NEURL1B: variants seen among roughly 807,000 people sequenced by gnomAD.
NEURL1B encodes the protein neuralized E3 ubiquitin protein ligase 1B, also known as E3 ubiquitin-protein ligase NEURL1B.
NEURL1B carries 13 observed loss-of-function variants against 37.4 expected under a neutral mutation model. The observed-to-expected ratio is 0.35, with a 90% confidence interval of 0.23 to 0.55. NEURL1B has a LOEUF of 0.55. NEURL1B is among the 20% of genes least tolerant of loss of function. NEURL1B has a pLI of 0.89. For missense variants in NEURL1B, 790 were observed against 879.2 expected, an observed-to-expected ratio of 0.90 and a Z score of 1.28; for synonymous variants, 432 against 426.6, an observed-to-expected ratio of 1.01 and a Z score of -0.16.
At chr5:172,650,226 T>A (rs1757636548) in intron 1 of NEURL1B, among the ~76,000 whole-genome samples, 1 of 152,162 alleles carries the variant, frequency 6.6e-6, no homozygotes. Flanking sequence ...CCTGGTAACT[T>A]TCCAGTCCAA....
chr5:172,663,393 C>T (rs1266748058), intron 1 of NEURL1B, among the ~76,000 whole-genome samples: 2 of 151,710 alleles, frequency 1.3e-5, no homozygotes, highest in African/African-American at 2.4e-5. Flanking sequence ...TGGTGGCGGG[C>T]GCCTGTAGTC....
At chr5:172,682,664 T>C (rs1400724689) in intron 2 of NEURL1B, among the ~76,000 whole-genome samples, 1 of 152,250 alleles carries the variant, frequency 6.6e-6, no homozygotes, top group African/African-American at 2.4e-5. Context: ...CTTAAACACC[T>C]ATCCAGGGCC....
Position 172,686,177 on chromosome 5 carries a change from T to C in NEURL1B, c.1304T>C (p.Leu435Pro). 1 of 1,551,656 alleles carries C rather than the reference T, an allele frequency of 6.4e-7. No homozygotes were observed. Among genetic ancestry groups the C allele is most frequent in the Non-Finnish European group, 8.7e-7 (1 of 1,146,968 alleles). ...VAGQLRLLGT[L>P]QSSPATTTPS... ...GAATCTCTTTGGGCCTCAGGTACCC[T>C]GCAGTCCAGCCCTGCGACCACGACT... The change falls in exon 4 of 5, where the codon CTG becomes CCG. Residue 435 changes from leucine (L) to proline (P), a missense_variant. This residue lies in a region of NEURL1B where 460 missense variants were observed against 407.4 expected (regional missense o/e 1.13). Coordinates refer to ENST00000369800, the MANE Select transcript of NEURL1B (RefSeq NM_001142651.3). The surrounding 1 kb of genome is among the most constrained non-coding windows in gnomAD (Gnocchi z 7.9).
At chr5:172,656,809 A>G in intron 1 of NEURL1B, 1 of 652,300 alleles carries the variant, frequency 1.5e-6, no homozygotes, top group Non-Finnish European at 2.7e-6. Context: ...TAAATTTAAA[A>G]CTCCTAACAA....
rs1386152723 is a variant in NEURL1B, at chr5:172,665,621, C to T, written c.32-4164C>T. Among the ~76,000 whole-genome samples, 20 of 152,182 alleles carry T rather than the reference C, an allele frequency of 1.3e-4. No homozygotes were observed. The highest frequency in any genetic ancestry group is 4.8e-4 in the African/African-American group (20 of 41,448). On this transcript the variant is annotated intron_variant, in intron 1 of 4. Coordinates refer to ENST00000369800, the MANE Select transcript of NEURL1B (RefSeq NM_001142651.3). The surrounding 1 kb of genome is among the most constrained non-coding windows in gnomAD (Gnocchi z 4.1). ...CTGCGGTGTCTGCAGCACCCTCGCC[C>T]TCACCTCTACAAGGCAGTGACTGCC...
chr5:172,686,832 C>T lies in NEURL1B; in HGVS notation c.1575C>T (p.His525=), dbSNP rs1561655020. ...CGTGTGGACACATGTGCCTGTGCCA[C>T]AGCTGCGGCCTGCGGCTCAAGCGAC... ...IYTCGHMCLC[H]SCGLRLKRQA... is the part of the protein sequence containing the mutation. The change falls in exon 5 of 5, where the codon CAC becomes CAT. Residue 525 remains histidine (H), a synonymous_variant. Transcript: ENST00000369800. This position sits in a 1 kb window ranked among gnomAD's most constrained non-coding sequence, Gnocchi z 7.9. 6.4e-7 allele frequency: 1 copy of T among 1,551,510 alleles called. No individual in the cohort carries two copies. Among genetic ancestry groups the T allele is most frequent in the Non-Finnish European group, 8.7e-7 (1 of 1,147,160 alleles).
intron 1 of NEURL1B, among the ~76,000 whole-genome samples, chr5:172,649,030 C>T (rs1419933722): frequency 6.6e-6 from 1 of 152,202 alleles, no homozygotes; most frequent in Non-Finnish European, 1.5e-5. Flanking sequence ...GCCTGCAGAC[C>T]TGAAGGGGAA....
chr5:172,681,457 C>T (rs1401711192), intron 2 of NEURL1B, among the ~76,000 whole-genome samples: 7 of 152,228 alleles, frequency 4.6e-5, no homozygotes, highest in African/African-American at 9.6e-5. Flanking sequence ...CTTCTTCCCT[C>T]GAGCTATGGG....
chr5:172,658,234 C>T (rs544965693), intron 1 of NEURL1B, among the ~76,000 whole-genome samples: 11 of 152,284 alleles, frequency 7.2e-5, no homozygotes, highest in Admixed American at 1.3e-4. Context: ...TACAATCTCT[C>T]GTCTCCGCAC....
chr5:172,678,131 C>T (rs1443316001), intron 2 of NEURL1B, among the ~76,000 whole-genome samples: 2 of 152,136 alleles, frequency 1.3e-5, no homozygotes, highest in African/African-American at 2.4e-5. Flanking sequence ...GGCCACCCCT[C>T]GCCCTACCTG....
chr5:172,685,037 A>G (rs926776080), intron 3 of NEURL1B, among the ~76,000 whole-genome samples: 1 of 152,240 alleles, frequency 6.6e-6, no homozygotes, highest in African/African-American at 2.4e-5. Flanking sequence ...AGATAAGATA[A>G]TGAGCACAGA....
intron 1 of NEURL1B, among the ~76,000 whole-genome samples, chr5:172,668,128 T>C (rs993066991): frequency 6.6e-6 from 1 of 152,090 alleles, no homozygotes; most frequent in African/African-American, 2.4e-5. Flanking sequence ...CTCTGTAATG[T>C]TTCCCTCCAG....
chr5:172,665,499 G>T lies in NEURL1B; in HGVS notation c.32-4286G>T. Reference sequence around the variant, plus strand: ...GACAGGCAGTGCAGGTGTGGCCGTGGCCCTGCTTTGCCAAAAGCCCTGTAG... The same window carrying T: ...GACAGGCAGTGCAGGTGTGGCCGTGTCCCTGCTTTGCCAAAAGCCCTGTAG... On this transcript the variant is annotated intron_variant, in intron 1 of 4. Transcript: ENST00000369800. The surrounding 1 kb of genome is among the most constrained non-coding windows in gnomAD (Gnocchi z 4.1). 6.6e-6 allele frequency among the ~76,000 whole-genome samples: 1 copy of T among 152,198 alleles called. No homozygotes were observed. Among genetic ancestry groups the T allele is most frequent in the East Asian group, 1.9e-4 (1 of 5,198 alleles).
intron 1 of NEURL1B, among the ~76,000 whole-genome samples, chr5:172,649,110 C>T (rs917154504): frequency 6.6e-6 from 1 of 152,146 alleles, no homozygotes; most frequent in African/African-American, 2.4e-5. Flanking sequence ...CCAATTCAAC[C>T]AAAGGAGGAA....
At position 172,683,683 on chromosome 5, in the gene NEURL1B, G is replaced by A. The variant is rs1460619648; in HGVS notation, c.842G>A (p.Arg281His). The change falls in exon 3 of 5, where the codon CGC becomes CAC. Residue 281 changes from arginine to histidine, a missense_variant. Physicochemically the swap from Arg to His is conservative, Grantham distance 29 (BLOSUM62 0). This residue lies in a region of NEURL1B where 460 missense variants were observed against 407.4 expected (regional missense o/e 1.13). Transcript: ENST00000369800. The surrounding 1 kb of genome is among the most constrained non-coding windows in gnomAD (Gnocchi z 5.6). ...SSPALLEADL[R>H]FHATRGPDVS... Reference sequence around the variant, plus strand: ...CCGGCGCTACTGGAGGCCGACCTGCGCTTCCACGCAACACGCGGGCCCGAC... The same window carrying A: ...CCGGCGCTACTGGAGGCCGACCTGCACTTCCACGCAACACGCGGGCCCGAC... 3 of 1,337,728 alleles carry A rather than the reference G, an allele frequency of 2.2e-6. 1 individual carries two copies. Among genetic ancestry groups the A allele is most frequent in the Middle Eastern group, 2.9e-4 (1 of 3,506 alleles). The allele number at this position is 1,337,728 out of a possible 1,614,324, so 82.9% of individuals were successfully genotyped here. A position where few individuals can be genotyped will look rare whatever the true frequency, so the allele number is the denominator to read the frequency against.
chr5:172,670,541 C>G (rs1758108318), intron 2 of NEURL1B, among the ~76,000 whole-genome samples: 7 of 152,240 alleles, frequency 4.6e-5, no homozygotes, highest in Admixed American at 4.6e-4. Context: ...GAGGTTAAAT[C>G]ATTTGTGCTG....
At chr5:172,655,975 G>A (rs775826844) in intron 1 of NEURL1B, among the ~76,000 whole-genome samples, 3 of 152,196 alleles carry the variant, frequency 2.0e-5, no homozygotes, top group Admixed American at 6.5e-5. Flanking sequence ...AGCAAGGCAA[G>A]TTACTTCATA....
At chr5:172,654,604 T>A (rs140210845) in intron 1 of NEURL1B, among the ~76,000 whole-genome samples, 7,975 of 151,048 alleles carry the variant, frequency 0.053, 424 homozygotes, top group African/African-American at 0.14. Context: ...CTTAGGATAG[T>A]TCTGAACTGG....
At chr5:172,668,086 T>A (rs1758049639) in intron 1 of NEURL1B, among the ~76,000 whole-genome samples, 1 of 151,830 alleles carries the variant, frequency 6.6e-6, no homozygotes, top group South Asian at 2.1e-4. Context: ...AGAAAACACC[T>A]CTCTCTGCCC....
Sources: gnomAD v4.1 joint callset for allele counts (sites outside exome capture counted in the v4.1 genomes callset) on GRCh38, gnomAD v4.1.1 for gene constraint, gnomAD v4.1.1 regional missense constraint, Gnocchi (gnomAD v3.1) non-coding constraint, MANE v1.5 for transcripts, NCBI Gene and HGNC (gene_info 2026-07-23, HGNC 2026-07-21) for gene names.